The following PLXNA2 variants were observed in gnomAD, a reference collection of about 807,000 sequenced individuals.
The protein encoded by PLXNA2 is plexin A2.
In PLXNA2, 91 loss-of-function variants were observed where a neutral mutation model predicts 193.5. The observed-to-expected ratio is 0.47, with a 90% CI of 0.40 to 0.56. The LOEUF (loss-of-function observed/expected upper bound fraction) is 0.56. Ranked by LOEUF, PLXNA2 falls within the 20% of genes least tolerant of loss-of-function variation. PLXNA2 has a pLI of 0.00. For synonymous variants in PLXNA2, 997 were observed against 1,027.3 expected, an observed-to-expected ratio of 0.97 and a Z score of 0.56; for missense variants, 1,995 against 2,503.2, an observed-to-expected ratio of 0.80 and a Z score of 4.33.
intron 5 of PLXNA2, among the ~76,000 whole-genome samples, chr1:208,099,741 T>A (rs540168882): frequency 6.6e-6 from 1 of 152,172 alleles, no homozygotes; most frequent in South Asian, 2.1e-4. Flanking sequence ...CGGCTAATTT[T>A]TATATTTTTA....
chr1:208,234,405 C>A (rs1295002220), intron 1 of PLXNA2, among the ~76,000 whole-genome samples: 1 of 152,236 alleles, frequency 6.6e-6, no homozygotes, highest in Non-Finnish European at 1.5e-5. Context: ...TTTTCTGCAG[C>A]AGGCTCTTGG....
chr1:208,200,574 C>CT (rs1249606970), intron 3 of PLXNA2, among the ~76,000 whole-genome samples: 285 of 114,726 alleles, frequency 2.5e-3, no homozygotes, highest in Non-Finnish European at 4.2e-3. Context: ...TATCCCAATC[C>CT]TTCTTTTTTT....
intron 3 of PLXNA2, among the ~76,000 whole-genome samples, chr1:208,173,678 G>A (rs1669565452): frequency 6.6e-6 from 1 of 152,228 alleles, no homozygotes; most frequent in African/African-American, 2.4e-5. Flanking sequence ...AGCAGATCTC[G>A]TTCTGGGGCT....
intron 3 of PLXNA2, among the ~76,000 whole-genome samples, chr1:208,192,471 A>G (rs893651084): frequency 6.6e-6 from 1 of 152,148 alleles, no homozygotes; most frequent in Non-Finnish European, 1.5e-5. Flanking sequence ...CAAAAAAACC[A>G]TACTCCTAAC....
chr1:208,044,851 C>T lies in PLXNA2; in HGVS notation c.3640-109G>A. The T allele has an allele frequency of 1.0e-6, 1 of 997,940 alleles. No homozygotes were observed. Among genetic ancestry groups the T allele is most frequent in the Non-Finnish European group, 1.5e-6 (1 of 666,872 alleles). 61.8% of individuals were successfully genotyped at this position (997,940 alleles called of 1,614,324 possible). On this transcript the variant is annotated intron_variant, in intron 19 of 31. Coordinates refer to ENST00000367033, the MANE Select transcript of PLXNA2 (RefSeq NM_025179.4). This position sits in a 1 kb window ranked among gnomAD's most constrained non-coding sequence, Gnocchi z 4.9. ...AAGGACATGACAGACCACAACCACA[C>T]AGTGCAGCTCTAGATAAAAAGCAAT...
intron 29 of PLXNA2, chr1:208,031,362 G>T: frequency 7.2e-7 from 1 of 1,388,002 alleles, no homozygotes; most frequent in Non-Finnish European, 9.3e-7. Flanking sequence ...ATTCAAGGGT[G>T]CATCCTATTG....
chr1:208,196,358 A>AC (rs111563622), intron 3 of PLXNA2, among the ~76,000 whole-genome samples: 26 of 152,272 alleles, frequency 1.7e-4, no homozygotes, highest in South Asian at 1.2e-3. Flanking sequence ...CAAAAAAAAA[A>AC]CCATGTTCTC....
At chr1:208,223,400 C>T (rs1255956753) in intron 1 of PLXNA2, among the ~76,000 whole-genome samples, 1 of 152,264 alleles carries the variant, frequency 6.6e-6, no homozygotes. Flanking sequence ...GAGTTAGTTA[C>T]GTTTTGCCTT....
Position 208,028,718 on chromosome 1 carries a change from G to A in PLXNA2, c.5438+112C>T. ...GGTGTGGCAGGGAGGGGAGTGGGAG[G>A]TCCTGAAGAGATGACAGACACCGTC... On this transcript the variant is annotated intron_variant, in intron 30 of 31. Coordinates refer to ENST00000367033, the MANE Select transcript of PLXNA2 (RefSeq NM_025179.4). This position sits in a 1 kb window ranked among gnomAD's most constrained non-coding sequence, Gnocchi z 4.2. 1.0e-6 allele frequency: 1 copy of A among 966,342 alleles called. No homozygotes were observed. The highest frequency in any genetic ancestry group is 1.6e-5 in the South Asian group (1 of 62,108). The allele number at this position is 966,342 out of a possible 1,614,324, so 59.9% of individuals were successfully genotyped here.
At chr1:208,207,706 C>T (rs1670780431) in intron 3 of PLXNA2, among the ~76,000 whole-genome samples, 1 of 152,182 alleles carries the variant, frequency 6.6e-6, no homozygotes, top group Non-Finnish European at 1.5e-5. Flanking sequence ...TGGGGACATT[C>T]CATAAATTCT....
intron 12 of PLXNA2, among the ~76,000 whole-genome samples, chr1:208,071,000 G>A (rs1333453945): frequency 6.6e-6 from 1 of 152,192 alleles, no homozygotes; most frequent in Non-Finnish European, 1.5e-5. Flanking sequence ...CAGGGCAGGG[G>A]CAGGCAGGCT....
chr1:208,218,040 A>C, intron 1 of PLXNA2, 38 bp from the exon 2 acceptor site: 2 of 1,527,568 alleles, frequency 1.3e-6, no homozygotes, highest in Non-Finnish European at 1.8e-6. Context: ...ACCAAAAATA[A>C]TTTCCGGGAG....
chr1:208,215,970 G>A (rs746998115), intron 2 of PLXNA2, among the ~76,000 whole-genome samples: 1 of 152,050 alleles, frequency 6.6e-6, no homozygotes, highest in Non-Finnish European at 1.5e-5. Context: ...CCATCAGTTG[G>A]TCAAGCCAGA....
chr1:208,204,285 C>T (rs1460926883), intron 3 of PLXNA2, among the ~76,000 whole-genome samples: 2 of 152,166 alleles, frequency 1.3e-5, no homozygotes, highest in African/African-American at 4.8e-5. Flanking sequence ...GCATTCTTTC[C>T]TGCTTCCCCT....
chr1:208,046,988 T>C (rs1345151627), intron 17 of PLXNA2, among the ~76,000 whole-genome samples: 1 of 151,898 alleles, frequency 6.6e-6, no homozygotes, highest in African/African-American at 2.4e-5. Flanking sequence ...TGAGATGGAG[T>C]CTTGTTCTGT....
At chr1:208,079,785 C>T (rs945724274) in intron 11 of PLXNA2, among the ~76,000 whole-genome samples, 8 of 117,050 alleles carry the variant, frequency 6.8e-5, no homozygotes, top group Non-Finnish European at 1.4e-4. Flanking sequence ...TGAAGATAAT[C>T]GTTGTTTTTT....
At chr1:208,041,139 T>C (rs1055231688) in intron 22 of PLXNA2, among the ~76,000 whole-genome samples, 2 of 152,192 alleles carry the variant, frequency 1.3e-5, no homozygotes, top group Non-Finnish European at 2.9e-5. Flanking sequence ...AATACAACAG[T>C]TCTTAATGAG....
chr1:208,055,872 C>T (rs1665414572), intron 13 of PLXNA2, among the ~76,000 whole-genome samples: 1 of 152,222 alleles, frequency 6.6e-6, no homozygotes. Flanking sequence ...ATTTACTTAA[C>T]ATGCAATAAC....
At chr1:208,129,567 ACT>A (rs1463833320) in intron 4 of PLXNA2, among the ~76,000 whole-genome samples, 1 of 151,454 alleles carries the variant, frequency 6.6e-6, no homozygotes, top group East Asian at 1.9e-4. Context: ...AATATACCAA[ACT>A]CTCTCACACT....
Sources: allele counts gnomAD v4.1 joint callset (sites outside exome capture counted in the v4.1 genomes callset), GRCh38; gene constraint gnomAD v4.1.1; non-coding constraint Gnocchi (gnomAD v3.1); transcripts MANE v1.5; gene names NCBI Gene and HGNC (gene_info 2026-07-23, HGNC 2026-07-21).